The following LRRTM4 variants were observed in gnomAD, a reference collection of about 807,000 sequenced individuals.
LRRTM4 encodes the protein leucine rich repeat transmembrane neuronal 4.
LRRTM4 carries 25 observed loss-of-function variants against 47.6 expected under a neutral mutation model. The ratio of observed to expected loss-of-function variants is 0.53; its 90% confidence interval spans 0.38 to 0.73. The LOEUF (loss-of-function observed/expected upper bound fraction) is 0.73, where lower values mean the gene tolerates loss of function less well. LRRTM4 is among the 30% of genes least tolerant of loss of function. LRRTM4 has a pLI of 0.00. For missense variants in LRRTM4, 638 were observed against 713.4 expected (o/e 0.89, Z 1.20); for synonymous variants, 311 against 269.5 (o/e 1.15, Z -1.51).
chr2:76,824,381 G>A (rs1671135665), intron 3 of LRRTM4, among the ~76,000 whole-genome samples: 1 of 151,542 alleles, frequency 6.6e-6, no homozygotes, highest in African/African-American at 2.4e-5. Flanking sequence ...AATTGTCATA[G>A]AATGCATATA....
At chr2:76,928,572 C>G (rs1180670135) in intron 3 of LRRTM4, among the ~76,000 whole-genome samples, 1 of 152,020 alleles carries the variant, frequency 6.6e-6, no homozygotes, top group African/African-American at 2.4e-5. Context: ...TAAAGGCAGT[C>G]GTGCCTTAAA....
At chr2:77,500,212 T>G (rs1678520343) in intron 3 of LRRTM4, among the ~76,000 whole-genome samples, 1 of 151,748 alleles carries the variant, frequency 6.6e-6, no homozygotes, top group Admixed American at 6.6e-5. Context: ...TCCTCAGAAT[T>G]ATTGTGGAGG....
At chr2:77,333,150 G>T (rs951891569) in intron 3 of LRRTM4, among the ~76,000 whole-genome samples, 3 of 152,182 alleles carry the variant, frequency 2.0e-5, no homozygotes, top group South Asian at 2.1e-4. Flanking sequence ...CAGCCATGTG[G>T]AACTGTAAGT....
chr2:77,072,461 T>C (rs557943654), intron 3 of LRRTM4, among the ~76,000 whole-genome samples: 4 of 152,232 alleles, frequency 2.6e-5, no homozygotes, highest in African/African-American at 9.6e-5. Context: ...ATTTAGAGCA[T>C]ATAATTAATT....
intron 3 of LRRTM4, among the ~76,000 whole-genome samples, chr2:76,765,473 G>GAGAT (rs767095710): frequency 3.3e-5 from 5 of 152,184 alleles, no homozygotes; most frequent in African/African-American, 4.8e-5. Context: ...GCTACATTTG[G>GAGAT]AGATAGGGCC....
chr2:77,362,100 GGAAA>G lies in LRRTM4; in HGVS notation c.1551+156214_1551+156217del, dbSNP rs150312785. Reference sequence around the variant, plus strand: ...TAGACTCAGTCTCAAAAAAGGAAAAGGAAAGAAAGAAAGAGAGAAAGAAAGAAAG... The same window carrying G: ...TAGACTCAGTCTCAAAAAAGGAAAAGGAAAGAAAGAGAGAAAGAAAGAAAG... On this transcript the variant is annotated intron_variant, in intron 3 of 3. Coordinates refer to ENST00000409884, the MANE Select transcript of LRRTM4 (RefSeq NM_001134745.3). Among the ~76,000 whole-genome samples, 95 of 58,670 alleles carry G rather than the reference GGAAA, an allele frequency of 1.6e-3. 1 individual carries two copies. Among genetic ancestry groups the G allele is most frequent in the African/African-American group, 6.6e-3 (90 of 13,690 alleles). 38.5% of individuals were successfully genotyped at this position (58,670 alleles called of 152,430 possible). A position where few individuals can be genotyped will look rare whatever the true frequency, so the allele number is the denominator to read the frequency against.
At chr2:77,057,070 G>C (rs537583358) in intron 3 of LRRTM4, among the ~76,000 whole-genome samples, 6 of 152,282 alleles carry the variant, frequency 3.9e-5, no homozygotes, top group Non-Finnish European at 5.9e-5. Flanking sequence ...ACAGAGTACT[G>C]TATGGTCTAC....
chr2:76,819,874 A>G (rs546818131), intron 3 of LRRTM4, among the ~76,000 whole-genome samples: 78 of 151,956 alleles, frequency 5.1e-4, no homozygotes, highest in Non-Finnish European at 8.4e-4. Flanking sequence ...TTGCTTTTTC[A>G]GGAATCCCAG....
chr2:77,166,246 G>T (rs1194451889), intron 3 of LRRTM4, among the ~76,000 whole-genome samples: 1 of 152,066 alleles, frequency 6.6e-6, no homozygotes, highest in Non-Finnish European at 1.5e-5. Flanking sequence ...AATGCAACTT[G>T]CAAGGGATGT....
intron 3 of LRRTM4, among the ~76,000 whole-genome samples, chr2:77,469,580 C>T (rs932159769): frequency 1.3e-4 from 20 of 151,972 alleles, no homozygotes; most frequent in African/African-American, 3.9e-4. Flanking sequence ...CATCTGATTC[C>T]AGAATAAAGG....
intron 3 of LRRTM4, among the ~76,000 whole-genome samples, chr2:77,200,572 G>C (rs935232033): frequency 6.6e-6 from 1 of 152,056 alleles, no homozygotes; most frequent in Non-Finnish European, 1.5e-5. Flanking sequence ...CATGTTCTTA[G>C]AGAAATATTT....
At chr2:77,277,431 G>A (rs1017492016) in intron 3 of LRRTM4, among the ~76,000 whole-genome samples, 1 of 151,894 alleles carries the variant, frequency 6.6e-6, no homozygotes, top group Admixed American at 6.6e-5. Context: ...ATAAAAAATA[G>A]AGATTAAACA....
At chr2:77,116,830 C>T (rs1031065029) in intron 3 of LRRTM4, among the ~76,000 whole-genome samples, 1 of 152,058 alleles carries the variant, frequency 6.6e-6, no homozygotes, top group African/African-American at 2.4e-5. Flanking sequence ...TTGTCCATTT[C>T]AAGTAAGAAG....
At chr2:77,407,666 A>T (rs1674256104) in intron 3 of LRRTM4, among the ~76,000 whole-genome samples, 1 of 123,996 alleles carries the variant, frequency 8.1e-6, no homozygotes, top group Non-Finnish European at 1.6e-5. Flanking sequence ...AATTATATAT[A>T]ATAATTATAT....
chr2:77,009,712 C>T (rs1480532902), intron 3 of LRRTM4: 1 of 152,066 alleles, frequency 6.6e-6, no homozygotes, highest in South Asian at 2.1e-4. Context: ...TCACCTTCAC[C>T]TCCATAATTT....
chr2:77,313,467 T>G (rs1208720712), intron 3 of LRRTM4, among the ~76,000 whole-genome samples: 8 of 119,810 alleles, frequency 6.7e-5, no homozygotes, highest in African/African-American at 3.3e-4. Flanking sequence ...CCTGTTGCTG[T>G]GATGTACCTC....
intron 3 of LRRTM4, among the ~76,000 whole-genome samples, chr2:76,850,997 G>A (rs1671976348): frequency 1.3e-5 from 2 of 152,256 alleles, no homozygotes; most frequent in Admixed American, 1.3e-4. Context: ...CCAAAGCTCC[G>A]ATTGATTTTG....
At chr2:76,856,592 G>A (rs62173104) in intron 3 of LRRTM4, among the ~76,000 whole-genome samples, 20,469 of 151,832 alleles carry the variant, frequency 0.13, 1,732 homozygotes, top group Admixed American at 0.2. Context: ...CACTTTAATA[G>A]GAAAAAGAAG....
At chr2:76,795,093 TATGAC>T (rs1487457320) in intron 3 of LRRTM4, among the ~76,000 whole-genome samples, 2 of 152,224 alleles carry the variant, frequency 1.3e-5, no homozygotes, top group East Asian at 3.9e-4. Flanking sequence ...AGACGGCAGA[TATGAC>T]ATGCTCAATA....
Sources: gnomAD v4.1 joint callset for allele counts (sites outside exome capture counted in the v4.1 genomes callset) on GRCh38, gnomAD v4.1.1 for gene constraint, MANE v1.5 for transcripts, NCBI Gene and HGNC (gene_info 2026-07-23, HGNC 2026-07-21) for gene names.